The following TLE4 variants were observed in gnomAD, a reference collection of about 807,000 sequenced individuals.
TLE4 encodes the protein transducin-like enhancer protein 4.
In TLE4, 8 loss-of-function variants were observed where a neutral mutation model predicts 92.8. That is an observed-to-expected ratio of 0.09 (90% CI 0.05 to 0.16). The LOEUF (loss-of-function observed/expected upper bound fraction) is 0.16. TLE4 is among the 10% of genes least tolerant of loss of function. The pLI is 1.00. For synonymous variants in TLE4, 371 were observed against 374.1 expected (o/e 0.99, Z 0.10); for missense variants, 675 against 997.6 (o/e 0.68, Z 4.36).
At chr9:79,677,271 A>T (rs998141005) in intron 8 of TLE4, among the ~76,000 whole-genome samples, 1 of 152,124 alleles carries the variant, frequency 6.6e-6, no homozygotes, top group Non-Finnish European at 1.5e-5. Flanking sequence ...TTCAAAAACT[A>T]TTTGCATGCT....
At position 79,669,139 on chromosome 9, in the gene TLE4, C is replaced by T. The variant is rs114543600; in HGVS notation, c.609+15064C>T. 7.7e-3 allele frequency among the ~76,000 whole-genome samples: 1,168 copies of T among 152,188 alleles called. 5 individuals are homozygous for T. The highest frequency in any genetic ancestry group is 0.025 in the African/African-American group (1,044 of 41,512). On this transcript the variant is annotated intron_variant, in intron 8 of 19. Transcript: ENST00000376552. ...TATTTTTTCTTCCTTTAAAATGTCT[C>T]CAAATGAAAGTTCCCCTTGAGTATT...
intron 6 of TLE4, among the ~76,000 whole-genome samples, chr9:79,645,997 G>A (rs891472389): frequency 6.6e-6 from 1 of 151,958 alleles, no homozygotes; most frequent in Non-Finnish European, 1.5e-5. Context: ...ATGTATGTAC[G>A]TTTATTTTAA....
chr9:79,598,644 A>G (rs563451925), intron 4 of TLE4, among the ~76,000 whole-genome samples: 109 of 152,236 alleles, frequency 7.2e-4, no homozygotes, highest in African/African-American at 2.4e-3. Context: ...TTTTTTTCAG[A>G]CTATAATGCA....
chr9:79,591,837 A>T (rs2042595253), intron 4 of TLE4, among the ~76,000 whole-genome samples: 1 of 152,196 alleles, frequency 6.6e-6, no homozygotes, highest in Non-Finnish European at 1.5e-5. Context: ...CTTGGTGTTG[A>T]TAATGCTGCC....
chr9:79,606,184 GTTGTTTTTTTTTTTTTT>G (rs2046824278), intron 4 of TLE4, among the ~76,000 whole-genome samples: 1 of 18,374 alleles, frequency 5.4e-5, no homozygotes, highest in Non-Finnish European at 1.2e-4. Flanking sequence ...AGCAGTAGTA[GTTGTTTTTTTTTTTTTT>G]TTTTTTTTTT....
At position 79,643,175 on chromosome 9, in the gene TLE4, C is replaced by T. The variant is rs138747187; in HGVS notation, c.391-9418C>T. Among the ~76,000 whole-genome samples, 696 of 152,308 alleles carry T rather than the reference C, an allele frequency of 4.6e-3. 1 individual carries two copies. Among genetic ancestry groups the T allele is most frequent in the Non-Finnish European group, 8.0e-3 (544 of 68,038 alleles). On this transcript the variant is annotated intron_variant, in intron 6 of 19. Coordinates refer to ENST00000376552, the MANE Select transcript of TLE4 (RefSeq NM_007005.6). ...AATAGTAGAGCAAACACTGTATACTCGTCACCTAGATTTACCGGTTAACGT... is the reference window on the plus strand; with the variant it reads ...AATAGTAGAGCAAACACTGTATACTTGTCACCTAGATTTACCGGTTAACGT...
At chr9:79,671,842 C>T (rs1465338050) in intron 8 of TLE4, among the ~76,000 whole-genome samples, 1 of 151,518 alleles carries the variant, frequency 6.6e-6, no homozygotes, top group Non-Finnish European at 1.5e-5. Context: ...TATACTCCCA[C>T]CCCTACTCAA....
intron 10 of TLE4, 74 bp from the exon 11 acceptor site, chr9:79,706,673 A>C (rs1308891141): frequency 6.5e-7 from 1 of 1,528,522 alleles, no homozygotes; most frequent in African/African-American, 1.4e-5. Context: ...TTTGGCTAGA[A>C]ATGTCCACAC....
At position 79,725,251 on chromosome 9, in the gene TLE4, T is replaced by G; in HGVS notation, c.*107T>G. ...ATCTAAAACCAAGGATTTCAGATAC[T>G]CATTGCAGTTGTGGAGTTTAATCCC... On this transcript the variant is annotated 3_prime_UTR_variant, in exon 20 of 20. Coordinates refer to ENST00000376552, the MANE Select transcript of TLE4 (RefSeq NM_007005.6). 1 of 719,284 alleles carries G rather than the reference T, an allele frequency of 1.4e-6. No homozygotes were observed. Among genetic ancestry groups the G allele is most frequent in the Non-Finnish European group, 2.4e-6 (1 of 420,570 alleles). 44.6% of individuals were successfully genotyped at this position (719,284 alleles called of 1,614,324 possible).
chr9:79,580,654 T>TG (rs1288155895), intron 4 of TLE4, among the ~76,000 whole-genome samples: 1 of 152,078 alleles, frequency 6.6e-6, no homozygotes. Flanking sequence ...GAAGAGTAGA[T>TG]GGAGGAGTAG....
intron 4 of TLE4, among the ~76,000 whole-genome samples, chr9:79,595,798 G>A (rs904673458): frequency 2.0e-5 from 3 of 151,432 alleles, no homozygotes; most frequent in East Asian, 2.0e-4. Flanking sequence ...ATTCTTCTGA[G>A]TGCTTCTAAA....
chr9:79,722,350 TC>T (rs2075785882), intron 17 of TLE4, 100 bp from the exon 18 acceptor site: 1 of 1,351,438 alleles, frequency 7.4e-7, no homozygotes, highest in Non-Finnish European at 9.9e-7. Flanking sequence ...ATCTTGATTT[TC>T]TTCATAATTT....
intron 9 of TLE4, 63 bp downstream of exon 9, chr9:79,704,965 C>A: frequency 6.2e-7 from 1 of 1,600,406 alleles, no homozygotes; most frequent in Non-Finnish European, 8.5e-7. Flanking sequence ...AGCCATTTTA[C>A]CCTTTGACTA....
chr9:79,651,304 TC>T (rs2058944296), intron 6 of TLE4, among the ~76,000 whole-genome samples: 2 of 152,118 alleles, frequency 1.3e-5, no homozygotes, highest in Admixed American at 6.5e-5. Context: ...TTAATGTCCT[TC>T]CTTCACCACC....
At chr9:79,669,405 T>C (rs1052713084) in intron 8 of TLE4, among the ~76,000 whole-genome samples, 42 of 152,324 alleles carry the variant, frequency 2.8e-4, no homozygotes, top group African/African-American at 9.9e-4. Context: ...TGGGCAAGAA[T>C]AGGCAGAAAC....
chr9:79,581,711 A>G (rs962461545), intron 4 of TLE4, among the ~76,000 whole-genome samples: 1 of 152,192 alleles, frequency 6.6e-6, no homozygotes, highest in Non-Finnish European at 1.5e-5. Flanking sequence ...CAGGACTTCA[A>G]ATAAATTTAT....
chr9:79,692,741 A>C (rs1310948849), intron 8 of TLE4, among the ~76,000 whole-genome samples: 1 of 152,142 alleles, frequency 6.6e-6, no homozygotes, highest in Non-Finnish European at 1.5e-5. Context: ...AAAGGGGCAG[A>C]GGAGCTTCTC....
chr9:79,715,500 T>C (rs974790360), intron 14 of TLE4, among the ~76,000 whole-genome samples: 19 of 152,124 alleles, frequency 1.2e-4, no homozygotes, highest in African/African-American at 4.6e-4. Context: ...TTTCATTCAC[T>C]GACCTCAGCA....
At chr9:79,574,472 CTT>C (rs1564066317) in intron 2 of TLE4, among the ~76,000 whole-genome samples, 1 of 152,090 alleles carries the variant, frequency 6.6e-6, no homozygotes, top group Non-Finnish European at 1.5e-5. Flanking sequence ...TCATTAATCT[CTT>C]TGTAGAACAT....
Sources: allele counts gnomAD v4.1 joint callset (sites outside exome capture counted in the v4.1 genomes callset), GRCh38; gene constraint gnomAD v4.1.1; transcripts MANE v1.5; gene names NCBI Gene and HGNC (gene_info 2026-07-23, HGNC 2026-07-21).